WNT3: variants seen among roughly 807,000 people sequenced by gnomAD.
WNT3 encodes the protein Wnt family member 3, also known as proto-oncogene Wnt-3.
WNT3 carries 7 observed loss-of-function variants against 34.2 expected under a neutral mutation model. The observed-to-expected ratio is 0.20, with a 90% CI of 0.12 to 0.38. WNT3 has a LOEUF of 0.38. Ranked by LOEUF, WNT3 falls within the 10% of genes least tolerant of loss-of-function variation. The pLI is 1.00. For synonymous variants in WNT3, 212 were observed against 211.5 expected (o/e 1.00, Z -0.02); for missense variants, 267 against 499.8 (o/e 0.53, Z 4.44).
chr17:46,806,501 G>A (rs1002490409), intron 1 of WNT3, among the ~76,000 whole-genome samples: 18 of 152,178 alleles, frequency 1.2e-4, no homozygotes, highest in Admixed American at 1.1e-3. Context: ...GAGCCACCGC[G>A]CCCAGCTGAG....
chr17:46,790,975 C>T (rs1427408311), intron 1 of WNT3, among the ~76,000 whole-genome samples: 1 of 152,214 alleles, frequency 6.6e-6, no homozygotes, highest in Non-Finnish European at 1.5e-5. Context: ...TCCTCGTTTC[C>T]TCTGGGGTTT....
intron 1 of WNT3, among the ~76,000 whole-genome samples, chr17:46,785,231 T>C (rs1055499986): frequency 2.0e-5 from 3 of 152,222 alleles, no homozygotes; most frequent in Non-Finnish European, 4.4e-5. Context: ...TGTCCTGGGA[T>C]CCAGGTTCTG....
chr17:46,794,049 T>G (rs1301175551), intron 1 of WNT3, among the ~76,000 whole-genome samples: 1 of 152,022 alleles, frequency 6.6e-6, no homozygotes, highest in Non-Finnish European at 1.5e-5. Flanking sequence ...CGGTGAAATC[T>G]AACAGGCATG....
intron 1 of WNT3, among the ~76,000 whole-genome samples, chr17:46,780,592 C>T (rs1404270809): frequency 2.0e-5 from 3 of 151,826 alleles, no homozygotes; most frequent in African/African-American, 4.8e-5. Flanking sequence ...ATCGAGACCA[C>T]GGTGAAACCC....
intron 2 of WNT3, 134 bp downstream of exon 2, chr17:46,773,534 G>A (rs1013751835): frequency 4.8e-6 from 5 of 1,051,696 alleles, no homozygotes; most frequent in Non-Finnish European, 6.8e-6. Flanking sequence ...TGGCAGTCAT[G>A]CAACCAAATT....
intron 1 of WNT3, among the ~76,000 whole-genome samples, chr17:46,801,996 TTAAACA>T (rs1251760036): frequency 3.5e-4 from 53 of 152,346 alleles, no homozygotes; most frequent in African/African-American, 1.2e-3. Flanking sequence ...TCACAAACTG[TTAAACA>T]TAAGATATTC....
chr17:46,769,654 C>T (rs2059346053), intron 3 of WNT3, 129 bp downstream of exon 3: 1 of 1,303,840 alleles, frequency 7.7e-7, no homozygotes. Context: ...GAGGCCAAGC[C>T]TGGCCAAGGG....
chr17:46,809,839 G>A (rs2084247831), intron 1 of WNT3, among the ~76,000 whole-genome samples: 1 of 151,998 alleles, frequency 6.6e-6, no homozygotes, highest in African/African-American at 2.4e-5. Context: ...GTGAGCATCA[G>A]GACCCCTACA....
chr17:46,812,014 G>A (rs549797047), intron 1 of WNT3, among the ~76,000 whole-genome samples: 2 of 152,112 alleles, frequency 1.3e-5, no homozygotes, highest in Non-Finnish European at 2.9e-5. Flanking sequence ...TAGCTATTCC[G>A]CTGCCCAGAA....
chr17:46,773,646 C>A lies in WNT3; in HGVS notation c.322+22G>T, dbSNP rs547317258. 1.3e-5 allele frequency: 19 copies of A among 1,458,902 alleles called. No homozygotes were observed. In the East Asian group the frequency reaches 3.8e-4, roughly 29 times the overall value. The allele number at this position is 1,458,902 out of a possible 1,614,324, so 90.4% of individuals were successfully genotyped here. A position where few individuals can be genotyped will look rare whatever the true frequency, so the allele number is the denominator to read the frequency against. Reference sequence around the variant, plus strand: ...CCTCCCCCCACCCAGCCCCTCCCCCCCCCTCAGCCCCAAGGCAGTACCTTT... The same window carrying A: ...CCTCCCCCCACCCAGCCCCTCCCCCACCCTCAGCCCCAAGGCAGTACCTTT... On this transcript the variant is annotated intron_variant, in intron 2 of 4. Transcript: ENST00000225512.
rs150069847 is a variant in WNT3, at chr17:46,781,183, G to A, written c.81-7274C>T. The stretch of plus-strand genomic sequence containing the variant: ...GCAGAGGTTACAGTGAGCCAGTTGC[G>A]CCACTGCACTCCAGCTTGGGCGACA... On this transcript the variant is annotated intron_variant, in intron 1 of 4. Coordinates refer to ENST00000225512, the MANE Select transcript of WNT3 (RefSeq NM_030753.5). Among the ~76,000 whole-genome samples, 387 of 151,118 alleles carry A rather than the reference G, an allele frequency of 2.6e-3. 2 individuals are homozygous for A. Among genetic ancestry groups the A allele is most frequent in the African/African-American group, 8.9e-3 (366 of 41,090 alleles).
At chr17:46,787,881 G>C (rs1306422400) in intron 1 of WNT3, among the ~76,000 whole-genome samples, 3 of 151,848 alleles carry the variant, frequency 2.0e-5, no homozygotes, top group Admixed American at 6.6e-5. Context: ...GCTTGAACCT[G>C]GGAGGCAGAG....
chr17:46,779,551 G>A (rs2059442915), intron 1 of WNT3, among the ~76,000 whole-genome samples: 1 of 152,194 alleles, frequency 6.6e-6, no homozygotes, highest in Non-Finnish European at 1.5e-5. Context: ...ATGGGCTGCG[G>A]GTGCCCTGCA....
intron 1 of WNT3, among the ~76,000 whole-genome samples, chr17:46,817,984 A>G (rs997975277): frequency 1.1e-4 from 17 of 151,994 alleles, no homozygotes; most frequent in Admixed American, 8.5e-4. Context: ...CCCCCCACCC[A>G]CTCCCCTGCC....
At chr17:46,796,337 G>A (rs2084054386) in intron 1 of WNT3, among the ~76,000 whole-genome samples, 1 of 152,196 alleles carries the variant, frequency 6.6e-6, no homozygotes, top group South Asian at 2.1e-4. Flanking sequence ...CATCCTCTAT[G>A]CCAGGCACTG....
At chr17:46,766,842 C>T (rs2146367838) in intron 4 of WNT3, among the ~76,000 whole-genome samples, 2 of 152,288 alleles carry the variant, frequency 1.3e-5, no homozygotes, top group Admixed American at 1.3e-4. Flanking sequence ...CCAGCAGCAC[C>T]CCAGACAACA....
intron 1 of WNT3, among the ~76,000 whole-genome samples, chr17:46,794,804 G>A (rs2084032548): frequency 6.8e-6 from 1 of 147,098 alleles, no homozygotes. Context: ...AGGCTGGAGT[G>A]CAGAGGTACG....
intron 1 of WNT3, among the ~76,000 whole-genome samples, chr17:46,810,932 G>A (rs772720663): frequency 6.6e-6 from 1 of 151,918 alleles, no homozygotes; most frequent in Admixed American, 6.6e-5. Context: ...GGCCCCTCTC[G>A]CCCCAGAGCC....
chr17:46,788,592 C>G (rs1201809481), intron 1 of WNT3, among the ~76,000 whole-genome samples: 1 of 152,358 alleles, frequency 6.6e-6, no homozygotes, highest in East Asian at 1.9e-4. Context: ...ATTTCCCCAG[C>G]TCTTATACAT....
Sources: gnomAD v4.1 joint callset for allele counts (sites outside exome capture counted in the v4.1 genomes callset) on GRCh38, gnomAD v4.1.1 for gene constraint, MANE v1.5 for transcripts, NCBI Gene and HGNC (gene_info 2026-07-23, HGNC 2026-07-21) for gene names.